The following TAS2R1 variants were observed in gnomAD, a reference collection of about 807,000 sequenced individuals.
The protein encoded by TAS2R1 is taste receptor type 2 member 1.
For missense variants in TAS2R1, 370 were observed against 353.4 expected (o/e 1.05, Z -0.38); for synonymous variants, 141 against 134.2 (o/e 1.05, Z -0.35).
the TAS2R1 span, among the ~76,000 whole-genome samples, chr5:9,859,927 T>A: frequency 1.3e-5 from 2 of 152,202 alleles, no homozygotes; most frequent in East Asian, 3.9e-4. Context: ...TGTAAGGAGC[T>A]AAAAGTACTG....
At chr5:9,752,269 T>C in the TAS2R1 span, among the ~76,000 whole-genome samples, 2 of 152,226 alleles carry the variant, frequency 1.3e-5, no homozygotes, top group Non-Finnish European at 2.9e-5. Context: ...TGTGAGTATA[T>C]GTCCTGGTAT....
intron 2 of TAS2R1, among the ~76,000 whole-genome samples, chr5:9,647,459 A>G (rs1470372307): frequency 6.6e-6 from 1 of 152,166 alleles, no homozygotes; most frequent in Non-Finnish European, 1.5e-5. Flanking sequence ...AACCCCACAT[A>G]CATACATTTG....
chr5:9,843,618 A>AGAGAT, the TAS2R1 span, among the ~76,000 whole-genome samples: 3 of 152,254 alleles, frequency 2.0e-5, no homozygotes, highest in African/African-American at 7.2e-5. Context: ...CCATCCATCC[A>AGAGAT]GAGATGAAGG....
the TAS2R1 span, among the ~76,000 whole-genome samples, chr5:9,784,708 G>A: frequency 6.6e-6 from 1 of 152,292 alleles, no homozygotes; most frequent in African/African-American, 2.4e-5. Flanking sequence ...TCCAGAGGAG[G>A]ATCCTTCCTT....
intron 1 of TAS2R1, among the ~76,000 whole-genome samples, chr5:9,699,319 G>A (rs1230504256): frequency 1.3e-5 from 2 of 152,204 alleles, no homozygotes; most frequent in Non-Finnish European, 1.5e-5. Context: ...CTGAGCATTC[G>A]CGAATTGAAT....
At chr5:9,780,746 A>G in the TAS2R1 span, among the ~76,000 whole-genome samples, 1 of 152,210 alleles carries the variant, frequency 6.6e-6, no homozygotes, top group Non-Finnish European at 1.5e-5. Flanking sequence ...TAGTACAGTT[A>G]TTTAATCAAA....
chr5:9,871,663 T>A, the TAS2R1 span, among the ~76,000 whole-genome samples: 8 of 152,132 alleles, frequency 5.3e-5, no homozygotes, highest in South Asian at 1.7e-3. Flanking sequence ...CATAAAAAGG[T>A]GCCATCTGAA....
the TAS2R1 span, among the ~76,000 whole-genome samples, chr5:9,864,632 CAAA>C: frequency 7.4e-5 from 9 of 122,302 alleles, no homozygotes; most frequent in Admixed American, 8.4e-5. Flanking sequence ...AGACTCCACT[CAAA>C]AAAAAAAAAA....
chr5:9,835,028 G>A, the TAS2R1 span, among the ~76,000 whole-genome samples: 13 of 152,170 alleles, frequency 8.5e-5, no homozygotes, highest in Non-Finnish European at 1.8e-4. Context: ...GTTAGAAATT[G>A]ATTGTCTGCC....
the TAS2R1 span, among the ~76,000 whole-genome samples, chr5:9,751,976 A>G: frequency 6.6e-6 from 1 of 152,208 alleles, no homozygotes; most frequent in Non-Finnish European, 1.5e-5. Flanking sequence ...GTAACTATCA[A>G]CTTTCATTTG....
chr5:9,762,372 T>G, the TAS2R1 span, among the ~76,000 whole-genome samples: 1 of 152,180 alleles, frequency 6.6e-6, no homozygotes, highest in African/African-American at 2.4e-5. Context: ...GACCCCAGTC[T>G]CGGATTATTA....
the TAS2R1 span, among the ~76,000 whole-genome samples, chr5:9,886,085 G>A: frequency 3.3e-5 from 5 of 149,850 alleles, no homozygotes; most frequent in South Asian, 1.1e-3. Context: ...AGGCTGGAGT[G>A]CAGTGGCACG....
At chr5:9,648,863 T>C (rs1413390029) in intron 2 of TAS2R1, among the ~76,000 whole-genome samples, 1 of 152,142 alleles carries the variant, frequency 6.6e-6, no homozygotes, top group African/African-American at 2.4e-5. Context: ...TGCCCAGGCA[T>C]CCTTCGAGAA....
At chr5:9,887,007 A>G in the TAS2R1 span, among the ~76,000 whole-genome samples, 1 of 152,186 alleles carries the variant, frequency 6.6e-6, no homozygotes, top group Non-Finnish European at 1.5e-5. Flanking sequence ...TTGGTACAAC[A>G]TATACCCATT....
At chr5:9,789,928 G>A in the TAS2R1 span, among the ~76,000 whole-genome samples, 14 of 152,252 alleles carry the variant, frequency 9.2e-5, no homozygotes, top group Non-Finnish European at 2.1e-4. Context: ...CCCTACTGGG[G>A]ACATGCCATC....
At chr5:9,787,130 G>A in the TAS2R1 span, among the ~76,000 whole-genome samples, 2 of 152,130 alleles carry the variant, frequency 1.3e-5, no homozygotes, top group South Asian at 2.1e-4. Flanking sequence ...CCATCACCTA[G>A]CCAGGTGACT....
chr5:9,892,215 G>A, the TAS2R1 span, among the ~76,000 whole-genome samples: 10 of 152,174 alleles, frequency 6.6e-5, no homozygotes, highest in African/African-American at 2.4e-4. Context: ...TATCAAAGCA[G>A]AAGGGCCATC....
intron 1 of TAS2R1, among the ~76,000 whole-genome samples, chr5:9,687,160 A>G (rs114048627): frequency 0.03 from 4,616 of 152,186 alleles, 84 homozygotes; most frequent in Middle Eastern, 0.054. Flanking sequence ...AAAATTAGAC[A>G]GAGTTTCTCC....
chr5:9,646,445 C>T (rs1414489853), intron 2 of TAS2R1, among the ~76,000 whole-genome samples: 3 of 152,122 alleles, frequency 2.0e-5, no homozygotes, highest in African/African-American at 7.2e-5. Context: ...TATGTGGCTG[C>T]ACAACCATTG....
Sources: gnomAD v4.1 joint callset for allele counts (sites outside exome capture counted in the v4.1 genomes callset) on GRCh38, gnomAD v4.1.1 for gene constraint, MANE v1.5 for transcripts, NCBI Gene and HGNC (gene_info 2026-07-23, HGNC 2026-07-21) for gene names.